DIAPH2: variants seen among roughly 807,000 people sequenced by gnomAD.
DIAPH2 encodes protein diaphanous homolog 2.
DIAPH2 carries 35 observed loss-of-function variants against 92.7 expected under a neutral mutation model. The ratio of observed to expected loss-of-function variants is 0.38; its 90% confidence interval spans 0.29 to 0.50. The LOEUF is 0.50. DIAPH2 is among the 20% of genes least tolerant of loss of function. The pLI is 0.94. For synonymous variants in DIAPH2, 301 were observed against 280.4 expected (o/e 1.07, Z -0.73); for missense variants, 701 against 819.5 (o/e 0.86, Z 1.77).
intron 23 of DIAPH2, among the ~76,000 whole-genome samples, chrX:97,275,952 G>T (rs1758767833): frequency 8.9e-6 from 1 of 112,594 alleles, no homozygotes; most frequent in Non-Finnish European, 1.9e-5. Flanking sequence ...GTTGTAGCTA[G>T]CCGAGATCAC....
At chrX:96,874,157 A>G (rs1569417472) in intron 4 of DIAPH2, among the ~76,000 whole-genome samples, 3 of 112,033 alleles carry the variant, frequency 2.7e-5, no homozygotes, top group African/African-American at 9.7e-5. Context: ...AAGAAGTACT[A>G]GATTTAAGTA....
At chrX:96,798,497 A>G (rs1230215559) in intron 4 of DIAPH2, among the ~76,000 whole-genome samples, 1 of 108,667 alleles carries the variant, frequency 9.2e-6, no homozygotes, top group African/African-American at 3.4e-5. Flanking sequence ...TATTTATGTT[A>G]ATGTTTTGCT....
At chrX:97,417,092 G>A (rs1453770571) in intron 25 of DIAPH2, among the ~76,000 whole-genome samples, 2 of 112,100 alleles carry the variant, frequency 1.8e-5, no homozygotes, top group Non-Finnish European at 3.8e-5. Context: ...TACAGGACTT[G>A]AAAGGAAGAT....
At chrX:97,010,756 A>G (rs1270260427) in intron 17 of DIAPH2, among the ~76,000 whole-genome samples, 3 of 112,168 alleles carry the variant, frequency 2.7e-5, no homozygotes, top group African/African-American at 9.7e-5. Flanking sequence ...AGGTACAACT[A>G]CGGTATGATC....
chrX:96,789,768 G>A (rs1457473569), intron 4 of DIAPH2, among the ~76,000 whole-genome samples: 1 of 111,759 alleles, frequency 8.9e-6, no homozygotes, highest in Non-Finnish European at 1.9e-5. Context: ...CCCAACTAGA[G>A]CTTGAAAGCT....
chrX:97,584,937 G>A (rs2071469617), intron 26 of DIAPH2, among the ~76,000 whole-genome samples: 1 of 112,441 alleles, frequency 8.9e-6, no homozygotes. Flanking sequence ...GTTCTCATAT[G>A]TCCAGCTTGC....
intron 17 of DIAPH2, among the ~76,000 whole-genome samples, chrX:96,983,415 A>T (rs1221240103): frequency 9.0e-6 from 1 of 111,494 alleles, no homozygotes; most frequent in African/African-American, 3.3e-5. Flanking sequence ...ATAATATGTG[A>T]TGACAAAAAT....
intron 24 of DIAPH2, among the ~76,000 whole-genome samples, chrX:97,372,170 T>C (rs1360067482): frequency 8.0e-5 from 9 of 112,216 alleles, no homozygotes; most frequent in Non-Finnish European, 1.5e-4. Flanking sequence ...TCCCCCAACT[T>C]CAGATCACAT....
At chrX:97,003,117 A>T (rs944867352) in intron 17 of DIAPH2, among the ~76,000 whole-genome samples, 2 of 108,937 alleles carry the variant, frequency 1.8e-5, no homozygotes, top group African/African-American at 3.3e-5. Flanking sequence ...GTTGCAACTG[A>T]CAGGATCACA....
chrX:97,179,546 C>A (rs780208247), intron 22 of DIAPH2, among the ~76,000 whole-genome samples: 1 of 111,427 alleles, frequency 9.0e-6, no homozygotes, highest in East Asian at 2.8e-4. Context: ...GACCTCATTT[C>A]TTTTTACGGC....
rs1335397719 is a variant in DIAPH2, at chrX:96,794,303, A to G, written c.447+36045A>G. On this transcript the variant is annotated intron_variant, in intron 4 of 26. Coordinates refer to ENST00000324765, the MANE Select transcript of DIAPH2 (RefSeq NM_006729.5). ...AAATAAATTTTGGGGAGACATAAAC[A>G]TTCAGACCATAGTAGTATTCTTAGT... Among the ~76,000 whole-genome samples, 4 of 111,546 alleles carry G rather than the reference A, an allele frequency of 3.6e-5. No individual in the cohort carries two copies. The East Asian group carries it at 1.1e-3, about 31-fold the overall frequency.
intron 17 of DIAPH2, among the ~76,000 whole-genome samples, chrX:97,068,805 A>T (rs1298468920): frequency 8.9e-6 from 1 of 112,262 alleles, no homozygotes; most frequent in Non-Finnish European, 1.9e-5. Context: ...ATGTAAAAGA[A>T]CAATTGGCAT....
At chrX:96,689,911 T>C (rs1374943862) in intron 1 of DIAPH2, among the ~76,000 whole-genome samples, 7 of 111,211 alleles carry the variant, frequency 6.3e-5, no homozygotes, top group Non-Finnish European at 9.4e-5. Flanking sequence ...GGGATTTTTT[T>C]CCCCTATATA....
chrX:96,962,261 CTATATATATATACATATATATATACA>C (rs1556309918), intron 16 of DIAPH2, among the ~76,000 whole-genome samples: 69 of 78,394 alleles, frequency 8.8e-4, no homozygotes, highest in South Asian at 2.4e-3. Flanking sequence ...TGATGCCTTT[CTATATATATATACATATATATATACA>C]TATATATATA....
At chrX:96,875,456 G>A (rs1284373861) in intron 4 of DIAPH2, among the ~76,000 whole-genome samples, 3 of 111,712 alleles carry the variant, frequency 2.7e-5, no homozygotes, top group African/African-American at 9.7e-5. Flanking sequence ...TCATATTTTA[G>A]TAAACTTATT....
At chrX:97,359,276 G>A (rs2147703338) in intron 24 of DIAPH2, among the ~76,000 whole-genome samples, 1 of 111,720 alleles carries the variant, frequency 9.0e-6, no homozygotes, top group African/African-American at 3.2e-5. Flanking sequence ...GTTGTTCTCT[G>A]CTGTGCACTT....
chrX:97,381,453 T>A (rs1194141322), intron 24 of DIAPH2, among the ~76,000 whole-genome samples: 1 of 112,191 alleles, frequency 8.9e-6, no homozygotes, highest in Non-Finnish European at 1.9e-5. Context: ...TAATGAATAA[T>A]TTTTTAGTAT....
chrX:97,182,372 C>G (rs2067547512), intron 22 of DIAPH2, among the ~76,000 whole-genome samples: 1 of 111,232 alleles, frequency 9.0e-6, no homozygotes, highest in Non-Finnish European at 1.9e-5. Context: ...TCATAATGGC[C>G]TCGAATGCCA....
At chrX:97,221,023 T>C (rs1368959648) in intron 22 of DIAPH2, among the ~76,000 whole-genome samples, 1 of 111,467 alleles carries the variant, frequency 9.0e-6, no homozygotes, top group Non-Finnish European at 1.9e-5. Context: ...TTAAAAACAG[T>C]TCATTGGATT....
Sources: allele counts gnomAD v4.1 joint callset (sites outside exome capture counted in the v4.1 genomes callset), GRCh38; gene constraint gnomAD v4.1.1; transcripts MANE v1.5; gene names NCBI Gene and HGNC (gene_info 2026-07-23, HGNC 2026-07-21).